C1QTNF12: variants seen among roughly 807,000 people sequenced by gnomAD.
C1QTNF12 encodes adipolin.
C1QTNF12 carries 39 observed loss-of-function variants against 34.3 expected under a neutral mutation model. The observed-to-expected ratio is 1.14, with a 90% CI of 0.88 to 1.49. C1QTNF12 has a LOEUF of 1.49. C1QTNF12 is among the 40% of genes most tolerant of loss of function. The pLI, the probability that C1QTNF12 is intolerant of heterozygous loss-of-function variation, is 0.00. For synonymous variants in C1QTNF12, 220 were observed against 196.9 expected (o/e 1.12, Z -0.98); for missense variants, 497 against 424.7 (o/e 1.17, Z -1.50).
At chr1:1,243,925 C>T in intron 4 of C1QTNF12, 29 bp downstream of exon 4, 2 of 1,592,510 alleles carry the variant, frequency 1.3e-6, no homozygotes, top group South Asian at 1.1e-5. Flanking sequence ...CCACCCAACA[C>T]CCCGCTCTAA....
At chr1:1,244,145 C>T (rs1416730281) in intron 3 of C1QTNF12, 40 bp from the exon 4 acceptor site, 4 of 1,561,968 alleles carry the variant, frequency 2.6e-6, no homozygotes, top group African/African-American at 1.4e-5. Context: ...AGGGTCAGCA[C>T]AGGGCCCAGG....
upstream of C1QTNF12, chr1:1,246,783 A>G (rs1638904851): frequency 2.1e-6 from 2 of 967,938 alleles, no homozygotes; most frequent in South Asian, 5.1e-5. The surrounding 1 kb of genome is among the most constrained non-coding windows in gnomAD (Gnocchi z 4.5). Context: ...CGCGGGGGCG[A>G]GGCCCAGGGG....
chr1:1,246,640 G>T lies in C1QTNF12; in HGVS notation c.51C>A (p.Leu17=). The change falls in exon 1 of 8, where the codon CTC becomes CTA. Residue 17 remains leucine, a synonymous_variant. Transcript: ENST00000330388. This position sits in a 1 kb window ranked among gnomAD's most constrained non-coding sequence, Gnocchi z 4.5. ...GGGCCCCGACGCCCCCGAGGAGCAC[G>T]AGCTGCGGCCCGAGGAGGACCACGA... The part of the protein sequence containing the change: ...AAVVVLLGPQ[L]VLLGGVGARR... 1 of 1,236,736 alleles carries T rather than the reference G, an allele frequency of 8.1e-7. No individual in the cohort carries two copies. Among genetic ancestry groups the T allele is most frequent in the Non-Finnish European group, 1.0e-6 (1 of 990,580 alleles). 76.6% of individuals were successfully genotyped at this position (1,236,736 alleles called of 1,614,324 possible). A position where few individuals can be genotyped will look rare whatever the true frequency, so the allele number is the denominator to read the frequency against.
At position 1,244,240 on chromosome 1, in the gene C1QTNF12, T is replaced by C. The variant is rs1161868858; in HGVS notation, c.330A>G (p.Ala110=). 5 of 1,599,246 alleles carry C rather than the reference T, an allele frequency of 3.1e-6. No individual in the cohort carries two copies. The highest frequency in any genetic ancestry group is 2.2e-5 in the East Asian group (1 of 44,694). The change falls in exon 3 of 8, where the codon GCA becomes GCG. Residue 110 remains alanine, a synonymous_variant. Transcript: ENST00000330388. ...DLFGPPGPPG[A]EVTAETLLHE... is the part of the protein sequence containing the mutation. ...GAAGCAGAGTCTCCGCGGTCACTTC[T>C]GCACCTGGAGGTCCTGGGGGACCGA...
intron 1 of C1QTNF12, among the ~76,000 whole-genome samples, chr1:1,245,710 C>T (rs1017183960): frequency 6.6e-6 from 1 of 152,220 alleles, no homozygotes; most frequent in African/African-American, 2.4e-5. Flanking sequence ...CCTCAGCCTT[C>T]CCATCTGGGA....
rs1638798642 is a variant in C1QTNF12, at chr1:1,243,507, C to T, written c.577G>A (p.Ala193Thr). The change falls in exon 5 of 8, where the codon GCC becomes ACC. Residue 193 changes from alanine (A) to threonine (T), a missense_variant. Coordinates refer to ENST00000330388, the MANE Select transcript of C1QTNF12 (RefSeq NM_001014980.3). ...AFLRGSGLSL[A>T]SGRFTAPVSG... ...ACGGGGGCCGTGAACCGACCCGAGG[C>T]CAGGCTCAGACCGGAGCCTCGCAGG... 1 of 1,559,260 alleles carries T rather than the reference C, an allele frequency of 6.4e-7. No homozygotes were observed. The highest frequency in any genetic ancestry group is 2.4e-5 in the East Asian group (1 of 41,464).
chr1:1,242,665 C>T lies in C1QTNF12; in HGVS notation c.811-19G>A, dbSNP rs776264601. The T allele has an allele frequency of 1.3e-5, 20 of 1,577,734 alleles. No individual in the cohort carries two copies. In the African/African-American group the frequency reaches 1.8e-4, roughly 14 times the overall value. ...GTCCAGCCTGTAAGAAGCACGGGGA[C>T]GTCACAACCGCAGCCACAGCCCAGC... On this transcript the variant is annotated intron_variant, in intron 7 of 7. Coordinates refer to ENST00000330388, the MANE Select transcript of C1QTNF12 (RefSeq NM_001014980.3).
chr1:1,246,433 A>C lies in C1QTNF12; in HGVS notation c.177+81T>G. On this transcript the variant is annotated intron_variant, in intron 1 of 7. Coordinates refer to ENST00000330388, the MANE Select transcript of C1QTNF12 (RefSeq NM_001014980.3). This position sits in a 1 kb window ranked among gnomAD's most constrained non-coding sequence, Gnocchi z 4.5. ...ACCCGGAGGCAGAGCCGGCAGGGAC[A>C]GAGCCTGCTGGGGGAGGACGCCCCA... The C allele has an allele frequency of 1.7e-6, 2 of 1,150,746 alleles. No individual in the cohort carries two copies. The highest frequency in any genetic ancestry group is 2.2e-6 in the Non-Finnish European group (2 of 915,078). 71.3% of individuals were successfully genotyped at this position (1,150,746 alleles called of 1,614,324 possible). A position where few individuals can be genotyped will look rare whatever the true frequency, so the allele number is the denominator to read the frequency against.
chr1:1,244,566 G>A (rs1426799274), intron 1 of C1QTNF12, 69 bp from the exon 2 acceptor site: 12 of 1,225,356 alleles, frequency 9.8e-6, no homozygotes, highest in East Asian at 9.4e-5. Context: ...CCAGGGCAGC[G>A]GGGAGCACTC....
Position 1,242,646 on chromosome 1 carries a change from C to T in C1QTNF12, c.811G>A (p.Ala271Thr). The stretch of plus-strand genomic sequence containing the variant: ...ACAAACACAGAAGCGTACTGTCCAG[C>T]CTGTAAGAAGCACGGGGACGTCACA... ...LQVQGLLQLQ[A>T]GQYASVFVDN... The change falls in exon 8 of 8, where the codon GCT (alanine) becomes ACT (threonine). Residue 271 changes from alanine to threonine, a missense_variant and splice_region_variant. Ala to Thr is a moderately conservative substitution (Grantham distance 58). Coordinates refer to ENST00000330388, the MANE Select transcript of C1QTNF12 (RefSeq NM_001014980.3). 1 of 1,590,426 alleles carries T rather than the reference C, an allele frequency of 6.3e-7. No homozygotes were observed.
At position 1,243,430 on chromosome 1, in the gene C1QTNF12, C is replaced by T. The variant is rs549207399; in HGVS notation, c.640+14G>A. On this transcript the variant is annotated intron_variant, in intron 5 of 7. Transcript: ENST00000330388. ...GCCCCGTCACAGCACACGGCACTGC[C>T]CCATCCGGCTCACCCACGTGCAGAC... 1.5e-5 allele frequency: 24 copies of T among 1,548,440 alleles called. No individual in the cohort carries two copies. The South Asian group carries it at 2.4e-4, about 15-fold the overall frequency.
chr1:1,243,169 G>A lies in C1QTNF12; in HGVS notation c.641-17C>T. On this transcript the variant is annotated splice_polypyrimidine_tract_variant and intron_variant, in intron 5 of 7. Transcript: ENST00000330388. ...CACTGTGGTCTGCGGAGAGAGCCCT[G>A]GGGAGGGTGGTGCATGGGGGGCGGG... is the stretch of plus-strand genomic sequence containing the variant. The A allele has an allele frequency of 6.0e-6, 9 of 1,496,976 alleles. No homozygotes were observed. Among genetic ancestry groups the A allele is most frequent in the South Asian group, 1.2e-5 (1 of 81,724 alleles). The allele number at this position is 1,496,976 out of a possible 1,614,324, so 92.7% of individuals were successfully genotyped here.
chr1:1,244,307 A>G, intron 2 of C1QTNF12, 32 bp from the exon 3 acceptor site: 14 of 1,592,618 alleles, frequency 8.8e-6, no homozygotes, highest in African/African-American at 1.3e-5. Flanking sequence ...TGAGGGGCCC[A>G]GTGGGACCCG....
At chr1:1,244,636 G>T (rs1455824421) in intron 1 of C1QTNF12, 139 bp from the exon 2 acceptor site, 3 of 685,536 alleles carry the variant, frequency 4.4e-6, no homozygotes, top group Non-Finnish European at 7.8e-6. Flanking sequence ...GCCCTTGGGG[G>T]AGTCAGAACC....
rs1638815497 is a variant in C1QTNF12, at chr1:1,244,109, TG to T, written c.380-5del. On this transcript the variant is annotated splice_region_variant and splice_polypyrimidine_tract_variant and intron_variant, in intron 3 of 7. Coordinates refer to ENST00000330388, the MANE Select transcript of C1QTNF12 (RefSeq NM_001014980.3). Reference sequence around the variant, plus strand: ...GAGAACCGGCGCTCCGTGGCCTCTGTGGGGAGGAGGGCACAGGCGGCCAGCA... The same window carrying T: ...GAGAACCGGCGCTCCGTGGCCTCTGTGGGAGGAGGGCACAGGCGGCCAGCA... 1 of 1,574,530 alleles carries T rather than the reference TG, an allele frequency of 6.4e-7. No homozygotes were observed. Among genetic ancestry groups the T allele is most frequent in the Admixed American group, 1.8e-5 (1 of 55,540 alleles).
rs1011247924 is a variant in C1QTNF12 at position 1,243,050 on chromosome 1, G to A, written c.731+12C>T. On this transcript the variant is annotated intron_variant, in intron 6 of 7. Transcript: ENST00000330388. ...GGGGCTGCCGCCTGGAGCGGGGGCT[G>A]AGGTCACTCACGTGTGGCGCTGGCA... 6.4e-7 allele frequency: 1 copy of A among 1,572,924 alleles called. No individual in the cohort carries two copies. Among genetic ancestry groups the A allele is most frequent in the Non-Finnish European group, 8.6e-7 (1 of 1,159,680 alleles).
intron 5 of C1QTNF12, 51 bp from the exon 6 acceptor site, chr1:1,243,203 T>C: frequency 1.5e-5 from 1 of 68,752 alleles, no homozygotes; most frequent in East Asian, 3.0e-4. Context: ...GGGTGGGGGC[T>C]GGTGGGGAGG....
chr1:1,244,102 G>C lies in C1QTNF12; in HGVS notation c.383C>G (p.Ala128Gly). 6.3e-7 allele frequency: 1 copy of C among 1,578,366 alleles called. No homozygotes were observed. The highest frequency in any genetic ancestry group is 8.6e-7 in the Non-Finnish European group (1 of 1,162,374). The part of the protein sequence containing the change: ...LHEFQELLKE[A>G]TERRFSGLLD... ...AAGCCCTGAGAACCGGCGCTCCGTG[G>C]CCTCTGTGGGGAGGAGGGCACAGGC... Residue 128 changes from alanine to glycine, a missense_variant, in exon 4 of 8, where the codon GCC becomes GGC. Physicochemically the swap from Ala to Gly is moderately conservative, Grantham distance 60. Coordinates refer to ENST00000330388, the MANE Select transcript of C1QTNF12 (RefSeq NM_001014980.3).
rs1299001774 is a variant in C1QTNF12, at chr1:1,242,781, C to T, written c.810+54G>A. On this transcript the variant is annotated intron_variant, in intron 7 of 7. Coordinates refer to ENST00000330388, the MANE Select transcript of C1QTNF12 (RefSeq NM_001014980.3). ...GCCCTGAGTGCACCGAGCTCACACC[C>T]GGCCCAGCCCGAGTGCACCCGAGCC... 16 of 1,596,502 alleles carry T rather than the reference C, an allele frequency of 1.0e-5. 1 individual carries two copies. The highest frequency in any genetic ancestry group is 4.4e-5 in the South Asian group (4 of 90,260).
Sources: allele counts gnomAD v4.1 joint callset (sites outside exome capture counted in the v4.1 genomes callset), GRCh38; gene constraint gnomAD v4.1.1; non-coding constraint Gnocchi (gnomAD v3.1); transcripts MANE v1.5; gene names NCBI Gene and HGNC (gene_info 2026-07-23, HGNC 2026-07-21).